Variants in TNNI3K observed in about 807,000 individuals in gnomAD.
TNNI3K encodes the protein serine/threonine-protein kinase TNNI3K.
A neutral mutation model predicts 114.5 loss-of-function variants in TNNI3K; 140 were observed. The ratio of observed to expected loss-of-function variants is 1.22; its 90% CI spans 1.07 to 1.41. The LOEUF is 1.41. Ranked by LOEUF, TNNI3K falls within the 40% of genes most tolerant of loss-of-function variation. TNNI3K has a pLI of 0.00. For synonymous variants in TNNI3K, 347 were observed against 347.5 expected, an observed-to-expected ratio of 1.00 and a Z score of 0.02; for missense variants, 1,125 against 1,007.6, an observed-to-expected ratio of 1.12 and a Z score of -1.58.
chr1:74,445,800 C>T (rs552509867), intron 20 of TNNI3K, among the ~76,000 whole-genome samples: 21 of 151,828 alleles, frequency 1.4e-4, no homozygotes, highest in East Asian at 3.9e-4. Context: ...TTAGTAGAGA[C>T]GGGGTTTCAC....
chr1:74,500,446 A>T (rs1217072187), intron 23 of TNNI3K, among the ~76,000 whole-genome samples: 6 of 151,658 alleles, frequency 4.0e-5, no homozygotes, highest in Admixed American at 6.6e-5. Flanking sequence ...TACTAAAAAT[A>T]CAAAAAAATT....
chr1:74,391,954 A>ATTTTTTTTTTTT (rs1557539031), intron 17 of TNNI3K, among the ~76,000 whole-genome samples: 12 of 93,258 alleles, frequency 1.3e-4, no homozygotes, highest in African/African-American at 6.9e-4. Flanking sequence ...GGTACAGCTT[A>ATTTTTTTTTTTT]TTATTTTTTT....
chr1:74,252,287 A>G (rs1336673882), intron 4 of TNNI3K, among the ~76,000 whole-genome samples: 1 of 152,044 alleles, frequency 6.6e-6, no homozygotes, highest in Non-Finnish European at 1.5e-5. Flanking sequence ...GTTTTTTTCT[A>G]TTTTAGAGAA....
chr1:74,327,522 G>T (rs1333030), intron 5 of TNNI3K, among the ~76,000 whole-genome samples: 1 of 144,956 alleles, frequency 6.9e-6, no homozygotes. Context: ...ATATATCTCA[G>T]TATTTTATAT....
chr1:74,254,166 T>G (rs1409533481), intron 4 of TNNI3K, among the ~76,000 whole-genome samples: 1 of 152,242 alleles, frequency 6.6e-6, no homozygotes, highest in African/African-American at 2.4e-5. Flanking sequence ...TCCATTATTT[T>G]TTTTTAGAAC....
chr1:74,400,185 T>A (rs1664288251), intron 17 of TNNI3K, among the ~76,000 whole-genome samples: 1 of 152,208 alleles, frequency 6.6e-6, no homozygotes, highest in African/African-American at 2.4e-5. Flanking sequence ...CTTGGAGGTA[T>A]GGATTAGGAA....
At chr1:74,512,814 G>A (rs1358531351) in intron 23 of TNNI3K, among the ~76,000 whole-genome samples, 2 of 152,132 alleles carry the variant, frequency 1.3e-5, no homozygotes, top group Admixed American at 6.5e-5. Flanking sequence ...GCTTCATACT[G>A]TATTCTTCAA....
At chr1:74,424,718 C>CA (rs71588833) in intron 17 of TNNI3K, among the ~76,000 whole-genome samples, 29,618 of 113,616 alleles carry the variant, frequency 0.26, 3,893 homozygotes, top group Middle Eastern at 0.3. Context: ...GAGTCCATCT[C>CA]AAAAAAAAAA....
chr1:74,338,325 G>A (rs1175967110), intron 7 of TNNI3K, among the ~76,000 whole-genome samples: 1 of 151,902 alleles, frequency 6.6e-6, no homozygotes, highest in African/African-American at 2.4e-5. Flanking sequence ...TCAGTTGATA[G>A]AATAGAATTT....
At chr1:74,398,264 C>A (rs558509134) in intron 17 of TNNI3K, among the ~76,000 whole-genome samples, 2 of 152,280 alleles carry the variant, frequency 1.3e-5, no homozygotes, top group East Asian at 3.9e-4. Flanking sequence ...GCCACCCAAA[C>A]TGAGGATGGG....
intron 17 of TNNI3K, among the ~76,000 whole-genome samples, chr1:74,380,789 A>G (rs1663163205): frequency 6.6e-6 from 1 of 152,096 alleles, no homozygotes. Context: ...TTCAATAATG[A>G]TATTAATGCT....
chr1:74,483,400 T>A, intron 21 of TNNI3K: 1 of 714,940 alleles, frequency 1.4e-6, no homozygotes, highest in South Asian at 1.5e-5. Context: ...GAGGGCAATG[T>A]ATATCATAAT....
chr1:74,439,342 G>C, intron 19 of TNNI3K, 148 bp from the exon 20 acceptor site: 1 of 1,274,548 alleles, frequency 7.8e-7, no homozygotes, highest in South Asian at 1.8e-5. Context: ...TGCACACACT[G>C]AGGGCAATAT....
intron 17 of TNNI3K, chr1:74,371,348 G>A (rs1188725961): frequency 6.6e-6 from 1 of 151,580 alleles, no homozygotes; most frequent in African/African-American, 2.4e-5. Context: ...CTACATTCAG[G>A]GAGTTTTCAC....
chr1:74,253,523 A>G (rs993510442), intron 4 of TNNI3K, among the ~76,000 whole-genome samples: 9 of 152,078 alleles, frequency 5.9e-5, no homozygotes, highest in Admixed American at 2.6e-4. Flanking sequence ...GAAATGGAGC[A>G]CAGCGCCAGT....
intron 11 of TNNI3K, among the ~76,000 whole-genome samples, chr1:74,361,091 G>A (rs1041865785): frequency 6.6e-6 from 1 of 152,052 alleles, no homozygotes; most frequent in Non-Finnish European, 1.5e-5. Flanking sequence ...TGTTGTCTCT[G>A]TAACTATTTC....
At chr1:74,347,175 G>C (rs1206534363) in intron 9 of TNNI3K, among the ~76,000 whole-genome samples, 1 of 110,846 alleles carries the variant, frequency 9.0e-6, no homozygotes, top group East Asian at 2.6e-4. Context: ...AACAGTCTCC[G>C]GTGTGTGATG....
chr1:74,253,396 G>A (rs974971355), intron 4 of TNNI3K, among the ~76,000 whole-genome samples: 3 of 152,108 alleles, frequency 2.0e-5, no homozygotes, highest in African/African-American at 7.2e-5. Context: ...GGGGCAGCAC[G>A]CTTTGGGTAA....
intron 9 of TNNI3K, among the ~76,000 whole-genome samples, chr1:74,347,007 A>T: frequency 6.6e-6 from 1 of 151,576 alleles, no homozygotes; most frequent in South Asian, 2.1e-4. Flanking sequence ...AATTATTATT[A>T]TTATTTTTCT....
Sources: gnomAD v4.1 joint callset for allele counts (sites outside exome capture counted in the v4.1 genomes callset) on GRCh38, gnomAD v4.1.1 for gene constraint, MANE v1.5 for transcripts, NCBI Gene and HGNC (gene_info 2026-07-23, HGNC 2026-07-21) for gene names.